Variants in GPBP1 observed in about 807,000 individuals in gnomAD.
GPBP1 encodes the protein vasculin.
GPBP1 carries 13 observed loss-of-function variants against 56.5 expected under a neutral mutation model. The observed-to-expected ratio is 0.23, with a 90% CI of 0.15 to 0.37. GPBP1 has a LOEUF of 0.37. GPBP1 is among the 10% of genes least tolerant of loss of function. GPBP1 has a pLI of 1.00. For missense variants in GPBP1, 477 were observed against 572.3 expected, an observed-to-expected ratio of 0.83 and a Z score of 1.70; for synonymous variants, 204 against 188.9, an observed-to-expected ratio of 1.08 and a Z score of -0.66.
At chr5:57,204,226 A>T (rs1321847156) in intron 2 of GPBP1, among the ~76,000 whole-genome samples, 5 of 152,068 alleles carry the variant, frequency 3.3e-5, no homozygotes, top group Non-Finnish European at 7.4e-5. Flanking sequence ...AATAGAATAA[A>T]CATGTTTTAC....
chr5:57,204,261 G>GC (rs1554063267), intron 2 of GPBP1, among the ~76,000 whole-genome samples: 1 of 150,660 alleles, frequency 6.6e-6, no homozygotes, highest in Non-Finnish European at 1.5e-5. Flanking sequence ...GTTTTGTCTT[G>GC]TTTTTTTTTG....
rs1156782099 is a variant in GPBP1 at position 57,262,446 on chromosome 5, T to C, written c.1264-148T>C. ...GTGACAATTATTACTCACATCTACTTTGTCTGGATCCAGAATTTTTTCAGA... is the reference window on the plus strand; with the variant it reads ...GTGACAATTATTACTCACATCTACTCTGTCTGGATCCAGAATTTTTTCAGA... On this transcript the variant is annotated intron_variant, in intron 11 of 11. Coordinates refer to ENST00000506184, the MANE Select transcript of GPBP1 (RefSeq NM_022913.4). 7.9e-6 allele frequency: 5 copies of C among 634,008 alleles called. No homozygotes were observed. In the African/African-American group the frequency reaches 9.2e-5, roughly 12 times the overall value. 39.3% of individuals were successfully genotyped at this position (634,008 alleles called of 1,614,324 possible).
At chr5:57,191,899 A>G (rs1579985297) in intron 2 of GPBP1, among the ~76,000 whole-genome samples, 2 of 152,240 alleles carry the variant, frequency 1.3e-5, no homozygotes, top group African/African-American at 4.8e-5. Flanking sequence ...ATATGAGCAG[A>G]ATTTAAGACT....
intron 2 of GPBP1, among the ~76,000 whole-genome samples, chr5:57,209,692 A>C (rs761340403): frequency 6.6e-6 from 1 of 152,050 alleles, no homozygotes; most frequent in Non-Finnish European, 1.5e-5. Flanking sequence ...GAGTATTTTT[A>C]TAATTAAAGG....
chr5:57,247,610 G>A (rs1490873470), intron 8 of GPBP1, among the ~76,000 whole-genome samples: 3 of 152,092 alleles, frequency 2.0e-5, no homozygotes, highest in Non-Finnish European at 4.4e-5. Context: ...CCTGAGCCTG[G>A]GAATGTCAAG....
At chr5:57,191,797 T>G (rs1754538237) in intron 2 of GPBP1, among the ~76,000 whole-genome samples, 1 of 152,238 alleles carries the variant, frequency 6.6e-6, no homozygotes, top group South Asian at 2.1e-4. Context: ...CTTGACCTCA[T>G]GATCCGCCCA....
At chr5:57,208,526 G>T (rs1007147701) in intron 2 of GPBP1, among the ~76,000 whole-genome samples, 50 of 151,882 alleles carry the variant, frequency 3.3e-4, no homozygotes, top group Non-Finnish European at 1.0e-4. Flanking sequence ...AACCACTGTA[G>T]CCTGGCCGGG....
intron 3 of GPBP1, among the ~76,000 whole-genome samples, chr5:57,229,289 C>T (rs1049589466): frequency 1.3e-4 from 19 of 142,594 alleles, no homozygotes; most frequent in African/African-American, 4.2e-4. Context: ...TCTTCTCAAC[C>T]CTTACTGTCA....
At chr5:57,205,759 T>C (rs766047374) in intron 2 of GPBP1, among the ~76,000 whole-genome samples, 16 of 151,982 alleles carry the variant, frequency 1.1e-4, no homozygotes, top group Non-Finnish European at 2.2e-4. Context: ...TATTTTATTA[T>C]TTATTTTATT....
intron 3 of GPBP1, among the ~76,000 whole-genome samples, chr5:57,226,553 C>CTTTTTTTTTTT (rs34180383): frequency 9.7e-5 from 6 of 62,128 alleles, no homozygotes; most frequent in Admixed American, 2.7e-4. Context: ...AGCATTTTTG[C>CTTTTTTTTTTT]TTTTTTTTTT....
chr5:57,190,141 T>C (rs1754454760), intron 2 of GPBP1, among the ~76,000 whole-genome samples: 2 of 147,680 alleles, frequency 1.4e-5, no homozygotes, highest in African/African-American at 4.9e-5. Context: ...ACTATTAACA[T>C]CTATAAATAA....
intron 5 of GPBP1, among the ~76,000 whole-genome samples, chr5:57,232,262 A>G (rs1756493906): frequency 1.3e-5 from 2 of 152,362 alleles, no homozygotes; most frequent in African/African-American, 2.4e-5. Flanking sequence ...GGCTGGGATT[A>G]TAGGTGTAAA....
At chr5:57,182,771 C>T (rs553381763) in intron 2 of GPBP1, among the ~76,000 whole-genome samples, 2 of 151,230 alleles carry the variant, frequency 1.3e-5, no homozygotes, top group South Asian at 2.1e-4. Context: ...GCCATCTCGA[C>T]CTCCTAGGCT....
chr5:57,206,432 T>C (rs966614136), intron 2 of GPBP1, among the ~76,000 whole-genome samples: 1 of 152,198 alleles, frequency 6.6e-6, no homozygotes. Context: ...AGAATCTTGC[T>C]CTGTTGCCCA....
chr5:57,182,293 A>G (rs1386144235), intron 2 of GPBP1, among the ~76,000 whole-genome samples: 1 of 152,018 alleles, frequency 6.6e-6, no homozygotes, highest in Admixed American at 6.6e-5. Context: ...CATGTTGACC[A>G]GGCTGGTCTT....
intron 2 of GPBP1, among the ~76,000 whole-genome samples, chr5:57,191,308 G>C (rs2111636921): frequency 6.6e-6 from 1 of 151,848 alleles, no homozygotes; most frequent in South Asian, 2.1e-4. Flanking sequence ...TGGCCAGGCT[G>C]GTCTTGAACT....
chr5:57,210,918 A>G (rs1385314503), intron 2 of GPBP1, among the ~76,000 whole-genome samples: 2 of 152,182 alleles, frequency 1.3e-5, no homozygotes, highest in African/African-American at 2.4e-5. Context: ...TTTGCAGTTA[A>G]TCACTTCTTT....
At chr5:57,186,837 T>C (rs575894923) in intron 2 of GPBP1, among the ~76,000 whole-genome samples, 1 of 152,274 alleles carries the variant, frequency 6.6e-6, no homozygotes, top group African/African-American at 2.4e-5. Flanking sequence ...TCCCAAAGTA[T>C]TGGGATTACA....
intron 2 of GPBP1, among the ~76,000 whole-genome samples, chr5:57,197,546 A>G (rs1345115801): frequency 6.6e-6 from 1 of 151,686 alleles, no homozygotes; most frequent in African/African-American, 2.4e-5. Flanking sequence ...TTTAGTAGAG[A>G]TGGGGTTTTG....
Sources: gnomAD v4.1 joint callset for allele counts (sites outside exome capture counted in the v4.1 genomes callset) on GRCh38, gnomAD v4.1.1 for gene constraint, MANE v1.5 for transcripts, NCBI Gene and HGNC (gene_info 2026-07-23, HGNC 2026-07-21) for gene names.